Variants in TRRAP observed in about 807,000 individuals in gnomAD.
TRRAP encodes transformation/transcription domain-associated protein.
In TRRAP, 41 loss-of-function variants were observed where a neutral mutation model predicts 438.8. That is an observed-to-expected ratio of 0.09 (90% CI 0.07 to 0.12). TRRAP has a LOEUF of 0.12. TRRAP is among the 10% of genes least tolerant of loss of function. The pLI is 1.00. For missense variants in TRRAP, 3,122 were observed against 5,055.1 expected (o/e 0.62, Z 11.60); for synonymous variants, 1,994 against 1,962.9 (o/e 1.02, Z -0.42).
At chr7:98,952,240 AT>A (rs1336520536) in intron 39 of TRRAP, among the ~76,000 whole-genome samples, 2 of 152,138 alleles carry the variant, frequency 1.3e-5, no homozygotes, top group African/African-American at 4.8e-5. Context: ...AAGAAGGCAC[AT>A]TTTTTTCTTA....
At position 98,983,389 on chromosome 7, in the gene TRRAP, A is replaced by C; in HGVS notation, c.8952A>C (p.Arg2984=). ...CGGTGGTGAAGACCTGGAGGAACCG[A>C]CTGCCCATCGTGTCTGACGACTTGT... ...MKTVVKTWRN[R]LPIVSDDLSH... The change falls in exon 60 of 73, where the codon CGA becomes CGC. Residue 2984 remains arginine (R), a synonymous_variant. Transcript: ENST00000456197. 6.2e-7 allele frequency: 1 copy of C among 1,614,172 alleles called. No homozygotes were observed. Among genetic ancestry groups the C allele is most frequent in the Non-Finnish European group, 8.5e-7 (1 of 1,180,030 alleles).
Position 98,900,887 on chromosome 7 carries a change from T to C in TRRAP, c.897+167T>C, listed in dbSNP as rs562780752. ...ACCTCCAAAATTCCATTGTTATATATTTGTTGTCAGTTTCTTCCCACCACC... is the reference window on the plus strand; with the variant it reads ...ACCTCCAAAATTCCATTGTTATATACTTGTTGTCAGTTTCTTCCCACCACC... On this transcript the variant is annotated intron_variant, in intron 11 of 72. Coordinates refer to ENST00000456197, the MANE Select transcript of TRRAP (RefSeq NM_001375524.1). Among the ~76,000 whole-genome samples the C allele has an allele frequency of 3.3e-5, 5 of 152,328 alleles. 1 individual carries two copies. The South Asian group carries it at 1.0e-3, about 32-fold the overall frequency.
chr7:98,935,723 C>T, intron 28 of TRRAP, 48 bp downstream of exon 28: 1 of 1,449,422 alleles, frequency 6.9e-7, no homozygotes, highest in East Asian at 2.3e-5. Flanking sequence ...GGAGACTGAC[C>T]ACAGGAGGTC....
At chr7:98,992,057 T>G in intron 64 of TRRAP, 80 bp from the exon 65 acceptor site, 1 of 1,493,496 alleles carries the variant, frequency 6.7e-7, no homozygotes, top group Non-Finnish European at 9.3e-7. Flanking sequence ...GACTTGACAT[T>G]GGTTATTTTC....
At chr7:98,902,957 G>A (rs1024988727) in intron 11 of TRRAP, among the ~76,000 whole-genome samples, 1 of 149,882 alleles carries the variant, frequency 6.7e-6, no homozygotes, top group Non-Finnish European at 1.5e-5. Flanking sequence ...TGCACCCTTA[G>A]TCCCAGCTAC....
chr7:98,997,483 C>CAAAAAAAAAAAAAAAAAAAA (rs61132070), intron 67 of TRRAP, among the ~76,000 whole-genome samples: 1 of 42,622 alleles, frequency 2.3e-5, no homozygotes, highest in Non-Finnish European at 4.3e-5. Context: ...ACTGCTGTTG[C>CAAAAAAAAAAAAAAAAAAAA]AAAAAAAAAA....
chr7:98,910,235 GC>G lies in TRRAP; in HGVS notation c.1535del (p.Pro512HisfsTer8). The G allele has an allele frequency of 3.6e-6, 1 of 281,382 alleles. No homozygotes were observed. The highest frequency in any genetic ancestry group is 4.8e-6 in the Non-Finnish European group (1 of 207,242). The allele number at this position is 281,382 out of a possible 1,614,324, so 17.4% of individuals were successfully genotyped here. A position where few individuals can be genotyped will look rare whatever the true frequency, so the allele number is the denominator to read the frequency against. On this transcript the variant is annotated frameshift_variant, in exon 15 of 73. Transcript: ENST00000456197. LOFTEE classifies it high-confidence loss of function. ...CTGTCCCTGCCCCACCTCCACCCCCGCCCCCACCCCCACCTGCCACCCCTGT... is the reference window on the plus strand; with the variant it reads ...CTGTCCCTGCCCCACCTCCACCCCCGCCCCACCCCCACCTGCCACCCCTGT... Reference protein sequence around the residue: ...APVPAPPPPPPPPPPATPVTP... With the variant: ...APVPAPPPPPXPPPPATPVTP...
At chr7:99,010,818 G>A (rs970921947) in intron 70 of TRRAP, among the ~76,000 whole-genome samples, 3 of 152,168 alleles carry the variant, frequency 2.0e-5, no homozygotes, top group African/African-American at 7.2e-5. Flanking sequence ...CAGCTTTGAC[G>A]CAGACCAGCC....
chr7:98,905,998 C>G (rs1399796166), intron 12 of TRRAP, among the ~76,000 whole-genome samples, 179 bp from the exon 13 acceptor site: 1 of 152,226 alleles, frequency 6.6e-6, no homozygotes, highest in Non-Finnish European at 1.5e-5. Flanking sequence ...TGTGGCCCAG[C>G]AGAGCTGCTA....
At chr7:98,933,615 T>G (rs554547016) in intron 27 of TRRAP, among the ~76,000 whole-genome samples, 2 of 152,318 alleles carry the variant, frequency 1.3e-5, no homozygotes, top group East Asian at 3.9e-4. Flanking sequence ...CGCTGATGTC[T>G]TGTGAGTTCT....
At chr7:98,888,093 G>A (rs1217409224) in intron 3 of TRRAP, among the ~76,000 whole-genome samples, 1 of 152,128 alleles carries the variant, frequency 6.6e-6, no homozygotes, top group Non-Finnish European at 1.5e-5. Context: ...AGCCGGGCCT[G>A]GTGGCGGGCG....
intron 30 of TRRAP, among the ~76,000 whole-genome samples, chr7:98,942,337 G>A (rs1373847069): frequency 1.3e-5 from 2 of 152,146 alleles, no homozygotes; most frequent in African/African-American, 2.4e-5. Flanking sequence ...CTGCTCCCCC[G>A]CGTGGCCACC....
chr7:98,929,748 C>G (rs1554412381), intron 23 of TRRAP, among the ~76,000 whole-genome samples: 1 of 152,136 alleles, frequency 6.6e-6, no homozygotes, highest in Non-Finnish European at 1.5e-5. Flanking sequence ...CGCCTGCCAC[C>G]ATGCCTGGCT....
At chr7:98,954,280 C>A (rs1377206615) in intron 40 of TRRAP, among the ~76,000 whole-genome samples, 1 of 152,232 alleles carries the variant, frequency 6.6e-6, no homozygotes, top group Non-Finnish European at 1.5e-5. Context: ...CTCACACGGT[C>A]CATGCCCTTT....
rs544661616 is a variant in TRRAP at position 98,896,236 on chromosome 7, C to CT, written c.507+424dup. Among the ~76,000 whole-genome samples, 204 of 151,632 alleles carry CT rather than the reference C, an allele frequency of 1.3e-3. 3 individuals carry two copies. In the East Asian group the frequency reaches 0.029, roughly 22 times the overall value. ...TCAGTTTTTTTTTAAATTTTACTAACTTTTTTTTCGATCTCATTAAGAACT... is the reference window on the plus strand; with the variant it reads ...TCAGTTTTTTTTTAAATTTTACTAACTTTTTTTTTCGATCTCATTAAGAACT... On this transcript the variant is annotated intron_variant, in intron 7 of 72. Transcript: ENST00000456197.
At position 98,993,424 on chromosome 7, in the gene TRRAP, GAT is replaced by G. The variant is rs1247437908; in HGVS notation, c.9848-113_9848-112del. 3.8e-5 allele frequency: 44 copies of G among 1,150,120 alleles called. 1 individual carries two copies. Among genetic ancestry groups the G allele is most frequent in the Non-Finnish European group, 5.3e-5 (43 of 816,014 alleles). The allele number at this position is 1,150,120 out of a possible 1,614,324, so 71.2% of individuals were successfully genotyped here. A position where few individuals can be genotyped will look rare whatever the true frequency, so the allele number is the denominator to read the frequency against. On this transcript the variant is annotated intron_variant, in intron 65 of 72. Transcript: ENST00000456197. ...GTCCTTGGGGAAGCGGTCTTGTAGG[GAT>G]TCACACGCCGGCAGGAACCAGCGCT...
rs570371970 is a variant in TRRAP at position 99,011,599 on chromosome 7, G to A, written c.11337+64G>A. ...AGCCACTCAGATGCCCGCGCGTCAC[G>A]GCCTTGCAGGAGCTGCTGATGTGCC... On this transcript the variant is annotated intron_variant, in intron 72 of 72. Coordinates refer to ENST00000456197, the MANE Select transcript of TRRAP (RefSeq NM_001375524.1). This position sits in a 1 kb window ranked among gnomAD's most constrained non-coding sequence, Gnocchi z 7.1. The A allele has an allele frequency of 2.9e-5, 45 of 1,546,154 alleles. No individual in the cohort carries two copies. The highest frequency in any genetic ancestry group is 5.5e-5 in the African/African-American group (4 of 73,058).
At chr7:99,007,235 G>C (rs1328994587) in intron 69 of TRRAP, among the ~76,000 whole-genome samples, 1 of 152,248 alleles carries the variant, frequency 6.6e-6, no homozygotes, top group Admixed American at 6.5e-5. Context: ...GGTGCTGAAA[G>C]ACAAGTTTGC....
In TRRAP at chr7:98,976,544, G is replaced by A. The variant is rs749234001; in HGVS notation, c.8021G>A (p.Cys2674Tyr). 2 of 1,613,838 alleles carry A rather than the reference G, an allele frequency of 1.2e-6. No individual in the cohort carries two copies. The highest frequency in any genetic ancestry group is 2.2e-5 in the South Asian group (2 of 91,078). ...CSGSHQVQRD[C>Y]QPSALNCFVE... ...GGCAGTCACCAGGTGCAGCGGGACT[G>A]CCAGCCCAGCGCGCTGAACTGCTTT... Residue 2674 changes from cysteine (C) to tyrosine (Y), a missense_variant, in exon 55 of 73, where the codon TGC (cysteine) becomes TAC (tyrosine). Transcript: ENST00000456197. This position sits in a 1 kb window ranked among gnomAD's most constrained non-coding sequence, Gnocchi z 4.6.
Sources: allele counts gnomAD v4.1 joint callset (sites outside exome capture counted in the v4.1 genomes callset), GRCh38; gene constraint gnomAD v4.1.1; non-coding constraint Gnocchi (gnomAD v3.1); transcripts MANE v1.5; gene names NCBI Gene and HGNC (gene_info 2026-07-23, HGNC 2026-07-21).